Variants in RGS6 observed in about 807,000 individuals in gnomAD.
The protein encoded by RGS6 is regulator of G protein signaling 6.
Under a neutral mutation model 78.5 loss-of-function variants are expected in RGS6, and 30 were observed. The observed-to-expected ratio is 0.38, with a 90% CI of 0.29 to 0.52. The LOEUF (loss-of-function observed/expected upper bound fraction) is 0.52, where lower values mean the gene tolerates loss of function less well. Ranked by LOEUF, RGS6 falls within the 20% of genes least tolerant of loss-of-function variation. The probability of loss-of-function intolerance (pLI) is 0.85; values close to 1 mark genes in which losing one functional copy is unlikely to be tolerated. For synonymous variants in RGS6, 206 were observed against 206.0 expected, an observed-to-expected ratio of 1.00 and a Z score of 0.00; for missense variants, 495 against 609.7, an observed-to-expected ratio of 0.81 and a Z score of 1.98.
intron 2 of RGS6, among the ~76,000 whole-genome samples, chr14:71,999,784 T>C (rs1179362579): frequency 9.8e-6 from 1 of 101,542 alleles, no homozygotes; most frequent in Non-Finnish European, 2.4e-5. Context: ...GATTGTAAGC[T>C]TCCTGAGGCC....
At chr14:72,492,156 G>A (rs1203843565) in intron 12 of RGS6, among the ~76,000 whole-genome samples, 1 of 152,166 alleles carries the variant, frequency 6.6e-6, no homozygotes, top group Non-Finnish European at 1.5e-5. Context: ...AACAAAAGAG[G>A]TTAACAAGAG....
intron 2 of RGS6, among the ~76,000 whole-genome samples, chr14:71,985,496 A>T (rs1283451954): frequency 1.3e-5 from 2 of 152,218 alleles, no homozygotes; most frequent in African/African-American, 4.8e-5. Context: ...GTTTGTTATT[A>T]ATAGCAAATT....
chr14:72,204,854 G>A (rs984629960), intron 2 of RGS6, among the ~76,000 whole-genome samples: 1 of 152,164 alleles, frequency 6.6e-6, no homozygotes, highest in African/African-American at 2.4e-5. Flanking sequence ...CTGCCTCATA[G>A]TGCTGTACTT....
At chr14:72,324,307 A>C (rs2073067680) in intron 2 of RGS6, among the ~76,000 whole-genome samples, 1 of 152,224 alleles carries the variant, frequency 6.6e-6, no homozygotes. Context: ...AAGCACAAAC[A>C]CCATAAACAA....
At chr14:72,304,539 T>C (rs181286586) in intron 2 of RGS6, among the ~76,000 whole-genome samples, 5 of 152,294 alleles carry the variant, frequency 3.3e-5, no homozygotes, top group Non-Finnish European at 7.3e-5. Context: ...AAGGAGTAAA[T>C]TATTACAAGT....
the RGS6 span, among the ~76,000 whole-genome samples, chr14:72,575,997 T>C: frequency 9.9e-5 from 15 of 152,228 alleles, no homozygotes; most frequent in Non-Finnish European, 1.6e-4. Context: ...CTGTCTTCAG[T>C]GGCTATCTTG....
At chr14:72,519,452 CATT>C (rs1192386432) in intron 15 of RGS6, among the ~76,000 whole-genome samples, 2 of 152,180 alleles carry the variant, frequency 1.3e-5, no homozygotes, top group Non-Finnish European at 2.9e-5. Flanking sequence ...CCCTTGCAGA[CATT>C]ATTATCTGAT....
At chr14:71,955,048 T>G (rs760911455) in intron 1 of RGS6, among the ~76,000 whole-genome samples, 19 of 152,284 alleles carry the variant, frequency 1.2e-4, no homozygotes, top group Admixed American at 3.9e-4. Context: ...AGTGTGAGGT[T>G]TTACTTAATC....
At chr14:72,202,367 A>G (rs1303537723) in intron 2 of RGS6, among the ~76,000 whole-genome samples, 2 of 152,082 alleles carry the variant, frequency 1.3e-5, no homozygotes, top group Admixed American at 1.3e-4. Flanking sequence ...TATATAGTGC[A>G]TTTCAGAGAA....
At chr14:72,540,490 GAAAA>G (rs113373446) in intron 17 of RGS6, 180 of 1,420,908 alleles carry the variant, frequency 1.3e-4, no homozygotes, top group Admixed American at 4.5e-4. Context: ...ATAGCTCATC[GAAAA>G]AAAAAAAAAA....
At chr14:72,345,914 G>A (rs934074532) in intron 2 of RGS6, among the ~76,000 whole-genome samples, 1 of 152,178 alleles carries the variant, frequency 6.6e-6, no homozygotes, top group Non-Finnish European at 1.5e-5. Flanking sequence ...GCTCAATGAA[G>A]CATGCACATT....
Position 72,018,950 on chromosome 14 carries a change from T to A in RGS6, c.84+54075T>A, listed in dbSNP as rs184679088. Among the ~76,000 whole-genome samples, 4 of 152,272 alleles carry A rather than the reference T, an allele frequency of 2.6e-5. No homozygotes were observed. The East Asian group carries it at 7.7e-4, about 29-fold the overall frequency. On this transcript the variant is annotated intron_variant, in intron 2 of 17. Coordinates refer to ENST00000553525, the MANE Select transcript of RGS6 (RefSeq NM_001204424.2). ...TCCAGGTGCTTGTAGGAGGTGAGTGTGAATGTGTGTCTTCTCACCCTCTTG... is the reference window on the plus strand; with the variant it reads ...TCCAGGTGCTTGTAGGAGGTGAGTGAGAATGTGTGTCTTCTCACCCTCTTG...
intron 12 of RGS6, among the ~76,000 whole-genome samples, chr14:72,481,432 G>C (rs1445239867): frequency 6.6e-6 from 1 of 152,142 alleles, no homozygotes; most frequent in Non-Finnish European, 1.5e-5. Flanking sequence ...TCTCCCCCCA[G>C]TCTCCCACAC....
the RGS6 span, among the ~76,000 whole-genome samples, chr14:71,895,771 A>C: frequency 1.3e-5 from 2 of 152,150 alleles, no homozygotes; most frequent in African/African-American, 4.8e-5. Context: ...CTTGGCCTGA[A>C]GGGCAAGAGA....
chr14:72,419,096 G>T (rs964991303), intron 3 of RGS6, among the ~76,000 whole-genome samples: 2 of 152,156 alleles, frequency 1.3e-5, no homozygotes, highest in Non-Finnish European at 2.9e-5. Context: ...AGACATGAAT[G>T]GGCACCAGGA....
intron 15 of RGS6, among the ~76,000 whole-genome samples, chr14:72,524,241 A>G (rs75356054): frequency 0.033 from 5,022 of 152,286 alleles, 288 homozygotes; most frequent in African/African-American, 0.11. Flanking sequence ...AGGTCCTGGA[A>G]TGCATCCTAA....
intron 17 of RGS6, among the ~76,000 whole-genome samples, chr14:72,549,407 G>A (rs1674406010): frequency 1.3e-5 from 2 of 152,178 alleles, no homozygotes; most frequent in South Asian, 4.1e-4. Context: ...AGCCAGGGTG[G>A]CCATGTGCGT....
chr14:72,288,642 G>A (rs1462716237), intron 2 of RGS6, among the ~76,000 whole-genome samples: 4 of 152,192 alleles, frequency 2.6e-5, no homozygotes, highest in African/African-American at 9.7e-5. Context: ...ATGGAATGGT[G>A]GGTGACAGTG....
the RGS6 span, among the ~76,000 whole-genome samples, chr14:72,581,033 G>A: frequency 6.6e-6 from 1 of 152,198 alleles, no homozygotes; most frequent in Non-Finnish European, 1.5e-5. Flanking sequence ...AGTGTCCAGT[G>A]CCCAGTGCCA....
Sources: allele counts gnomAD v4.1 joint callset (sites outside exome capture counted in the v4.1 genomes callset), GRCh38; gene constraint gnomAD v4.1.1; transcripts MANE v1.5; gene names NCBI Gene and HGNC (gene_info 2026-07-23, HGNC 2026-07-21).